The following ARHGAP6 variants were observed in gnomAD, a reference collection of about 807,000 sequenced individuals.
The protein encoded by ARHGAP6 is rho GTPase-activating protein 6.
Under a neutral mutation model 55.7 loss-of-function variants are expected in ARHGAP6, and 16 were observed. The ratio of observed to expected loss-of-function variants is 0.29; its 90% CI spans 0.19 to 0.44. The LOEUF is 0.44. Among genes scored for constraint, ARHGAP6 ranks in the 20% least tolerant of loss-of-function variants. ARHGAP6 has a pLI of 1.00. For missense variants in ARHGAP6, 698 were observed against 808.9 expected (o/e 0.86, Z 1.66); for synonymous variants, 382 against 360.9 (o/e 1.06, Z -0.66).
chrX:11,220,850 G>T (rs760230172), intron 2 of ARHGAP6, among the ~76,000 whole-genome samples: 1 of 109,031 alleles, frequency 9.2e-6, no homozygotes, highest in Non-Finnish European at 1.9e-5. Context: ...ATTGGATAAA[G>T]AGTCAAGACC....
intron 1 of ARHGAP6, among the ~76,000 whole-genome samples, chrX:11,410,341 A>G (rs1013931017): frequency 1.7e-4 from 19 of 112,589 alleles, no homozygotes; most frequent in African/African-American, 6.1e-4. Flanking sequence ...GTGAACCTCG[A>G]CAACACACTC....
At position 11,552,555 on chromosome X, in the gene ARHGAP6, C is replaced by CATATATATAT. The variant is rs59008705; in HGVS notation, c.588+111676_588+111685dup. On this transcript the variant is annotated intron_variant, in intron 1 of 12. Coordinates refer to ENST00000337414, the MANE Select transcript of ARHGAP6 (RefSeq NM_013427.3). ...GGATGAACTGATAAAGAAAATGTGC[C>CATATATATAT]ATATATATATATATATATATATATA... 7.6e-3 allele frequency among the ~76,000 whole-genome samples: 95 copies of CATATATATAT among 12,528 alleles called. 3 individuals are homozygous for CATATATATAT. The highest frequency in any genetic ancestry group is 1.0e-2 in the East Asian group (3 of 301). The allele number at this position is 12,528 out of a possible 115,157, so 10.9% of individuals were successfully genotyped here.
chrX:11,591,236 T>C (rs1427124302), intron 1 of ARHGAP6, among the ~76,000 whole-genome samples: 1 of 109,230 alleles, frequency 9.2e-6, no homozygotes, highest in African/African-American at 3.3e-5. Flanking sequence ...ATAAATAAAT[T>C]CCAGCGTAGC....
At chrX:11,480,145 G>T (rs2050442020) in intron 1 of ARHGAP6, among the ~76,000 whole-genome samples, 1 of 111,875 alleles carries the variant, frequency 8.9e-6, no homozygotes, top group African/African-American at 3.3e-5. Context: ...AAAAACTTGT[G>T]TGTGAATCTT....
Position 11,559,223 on chromosome X carries a change from T to C in ARHGAP6, c.588+105018A>G, listed in dbSNP as rs760843383. ...CTTACATCATCGATGCACTTGGTCT[T>C]TCATGATGAGGCCCATTTTTTTACT... On this transcript the variant is annotated intron_variant, in intron 1 of 12. Transcript: ENST00000337414. Among the ~76,000 whole-genome samples, 3 of 109,851 alleles carry C rather than the reference T, an allele frequency of 2.7e-5. No individual in the cohort carries two copies. In the East Asian group the frequency reaches 8.7e-4, roughly 32 times the overall value.
intron 10 of ARHGAP6, among the ~76,000 whole-genome samples, chrX:11,149,669 G>A (rs1380631597): frequency 8.9e-6 from 1 of 111,814 alleles, no homozygotes; most frequent in Admixed American, 9.5e-5. Context: ...AACACTCCAT[G>A]TTTGTGAAAA....
intron 1 of ARHGAP6, among the ~76,000 whole-genome samples, chrX:11,255,590 T>C (rs2047484576): frequency 9.0e-6 from 1 of 111,402 alleles, no homozygotes; most frequent in African/African-American, 3.3e-5. Flanking sequence ...AAGCTAAGAA[T>C]GTAGGGCTTT....
intron 1 of ARHGAP6, among the ~76,000 whole-genome samples, chrX:11,416,563 T>C (rs1303188710): frequency 9.0e-6 from 1 of 111,212 alleles, no homozygotes; most frequent in African/African-American, 3.3e-5. Context: ...TAAAAACAGC[T>C]ATTAAGGATT....
intron 1 of ARHGAP6, among the ~76,000 whole-genome samples, chrX:11,278,077 C>T (rs780403269): frequency 9.9e-5 from 11 of 111,655 alleles, no homozygotes; most frequent in African/African-American, 3.3e-4. Context: ...TGAACTTCTT[C>T]CTGGCTCTAC....
At chrX:11,575,467 C>G (rs925979962) in intron 1 of ARHGAP6, among the ~76,000 whole-genome samples, 2 of 111,646 alleles carry the variant, frequency 1.8e-5, no homozygotes, top group Admixed American at 9.6e-5. Flanking sequence ...GAATTTAGAA[C>G]TGGCTTAGTC....
At chrX:11,203,187 C>T (rs2046657256) in intron 2 of ARHGAP6, among the ~76,000 whole-genome samples, 1 of 111,877 alleles carries the variant, frequency 8.9e-6, no homozygotes, top group Non-Finnish European at 1.9e-5. Flanking sequence ...CCGGGATATA[C>T]CAAATTGCTC....
chrX:11,635,836 T>G (rs2052412222), intron 1 of ARHGAP6, among the ~76,000 whole-genome samples: 1 of 112,043 alleles, frequency 8.9e-6, no homozygotes, highest in Admixed American at 9.5e-5. Context: ...TATACCTAAG[T>G]GCTTCAGCAA....
intron 2 of ARHGAP6, among the ~76,000 whole-genome samples, chrX:11,232,827 C>T (rs1203587556): frequency 3.6e-5 from 4 of 111,463 alleles, no homozygotes; most frequent in African/African-American, 6.5e-5. Context: ...CAAAATTGTG[C>T]CCCCTTTCCT....
intron 1 of ARHGAP6, among the ~76,000 whole-genome samples, chrX:11,524,677 C>T (rs777442592): frequency 4.5e-5 from 5 of 111,266 alleles, no homozygotes; most frequent in South Asian, 3.8e-4. Flanking sequence ...CACCAGGGAG[C>T]GGTTTCATAG....
intron 1 of ARHGAP6, chrX:11,298,693 A>G: frequency 8.3e-7 from 1 of 1,210,451 alleles, no homozygotes; most frequent in Non-Finnish European, 1.1e-6. Context: ...GTGATCCCCC[A>G]GCAACCAATG....
At chrX:11,503,903 C>A (rs192019711) in intron 1 of ARHGAP6, among the ~76,000 whole-genome samples, 1 of 111,701 alleles carries the variant, frequency 9.0e-6, no homozygotes, top group Non-Finnish European at 1.9e-5. Context: ...TGCACACACA[C>A]ATCTGTGTCT....
intron 1 of ARHGAP6, among the ~76,000 whole-genome samples, chrX:11,315,399 C>T (rs1422626015): frequency 1.8e-5 from 2 of 112,272 alleles, no homozygotes; most frequent in Non-Finnish European, 1.9e-5. Context: ...AATGCCACCA[C>T]TGATCTGACG....
chrX:11,535,179 G>A (rs909861004), intron 1 of ARHGAP6, among the ~76,000 whole-genome samples: 12 of 111,357 alleles, frequency 1.1e-4, no homozygotes, highest in Admixed American at 9.6e-4. Flanking sequence ...TACCTTTGTT[G>A]GCTTAAAACA....
At chrX:11,475,493 A>G (rs1296845135) in intron 1 of ARHGAP6, among the ~76,000 whole-genome samples, 1 of 108,509 alleles carries the variant, frequency 9.2e-6, no homozygotes, top group Non-Finnish European at 1.9e-5. Flanking sequence ...ATATTATACA[A>G]TTTTCATCTT....
Sources: allele counts gnomAD v4.1 joint callset (sites outside exome capture counted in the v4.1 genomes callset), GRCh38; gene constraint gnomAD v4.1.1; transcripts MANE v1.5; gene names NCBI Gene and HGNC (gene_info 2026-07-23, HGNC 2026-07-21).